The following C16orf74 variants were observed in gnomAD, a reference collection of about 807,000 sequenced individuals.
C16orf74 encodes uncharacterized protein C16orf74.
A neutral mutation model predicts 6.5 loss-of-function variants in C16orf74; 10 were observed. The ratio of observed to expected loss-of-function variants is 1.54; its 90% CI spans 0.95 to 2.61. C16orf74 has a LOEUF of 2.61. Among genes scored for constraint, C16orf74 ranks in the 30% most tolerant of loss-of-function variants. The pLI is 0.00. For synonymous variants in C16orf74, 60 were observed against 42.5 expected, an observed-to-expected ratio of 1.41 and a Z score of -1.60; for missense variants, 141 against 105.9, an observed-to-expected ratio of 1.33 and a Z score of -1.45.
chr16:85,726,702 A>C (rs1222539105), intron 2 of C16orf74, among the ~76,000 whole-genome samples: 4 of 152,096 alleles, frequency 2.6e-5, no homozygotes, highest in Admixed American at 2.6e-4. Context: ...GCTGAAATGT[A>C]TTAGTGGAAT....
chr16:85,721,978 CTTTTTTTTTT>C (rs146218477), intron 2 of C16orf74, among the ~76,000 whole-genome samples: 7 of 91,142 alleles, frequency 7.7e-5, no homozygotes, highest in Admixed American at 1.4e-4. Flanking sequence ...AGATTCTAAC[CTTTTTTTTTT>C]TTTTTTTTTT....
In C16orf74 at chr16:85,744,713, T is replaced by C. The variant is rs146930075; in HGVS notation, c.-19+6213A>G. Reference sequence around the variant, plus strand: ...GGCATGGTGGCAGGCGCCTGTAGTCTCAGCTACTTGGGAGGCTGAGGCAGG... The same window carrying C: ...GGCATGGTGGCAGGCGCCTGTAGTCCCAGCTACTTGGGAGGCTGAGGCAGG... On this transcript the variant is annotated intron_variant, in intron 1 of 3. Transcript: ENST00000284245. Among the ~76,000 whole-genome samples, 851 of 150,558 alleles carry C rather than the reference T, an allele frequency of 5.7e-3. 8 individuals are homozygous for C. The highest frequency in any genetic ancestry group is 9.3e-3 in the East Asian group (47 of 5,072).
chr16:85,724,664 T>A (rs1598791556), intron 2 of C16orf74, among the ~76,000 whole-genome samples: 1 of 151,996 alleles, frequency 6.6e-6, no homozygotes, highest in East Asian at 1.9e-4. Context: ...ATGATGGGAA[T>A]CATGGGGATG....
At chr16:85,720,806 C>T (rs1598788135) in intron 2 of C16orf74, among the ~76,000 whole-genome samples, 2 of 147,548 alleles carry the variant, frequency 1.4e-5, no homozygotes. Flanking sequence ...TTGGGGGTGG[C>T]GCTGGGCGTG....
rs561103746 is a variant in C16orf74 at position 85,729,117 on chromosome 16, A to G, written c.28+6073T>C. On this transcript the variant is annotated intron_variant, in intron 2 of 3. Coordinates refer to ENST00000284245, the MANE Select transcript of C16orf74 (RefSeq NM_206967.3). ...GAGAGGGCGCACTTAGGAACCAAGG[A>G]GACGACTCCCCCTTTCCCCTTCCGT... 8.5e-5 allele frequency among the ~76,000 whole-genome samples: 13 copies of G among 152,206 alleles called. No homozygotes were observed. The East Asian group carries it at 2.3e-3, about 27-fold the overall frequency.
rs927195476 is a variant in C16orf74, at chr16:85,721,953, T to G, written c.29-11646A>C. Among the ~76,000 whole-genome samples the G allele has an allele frequency of 1.3e-4, 20 of 149,968 alleles. No homozygotes were observed. In the South Asian group the frequency reaches 3.2e-3, roughly 24 times the overall value. On this transcript the variant is annotated intron_variant, in intron 2 of 3. Coordinates refer to ENST00000284245, the MANE Select transcript of C16orf74 (RefSeq NM_206967.3). ...TAACAATTGCTACACACAGTTAGCC[T>G]TCTCATTGGAATAGAGATTCTAACC... is the stretch of plus-strand genomic sequence containing the variant.
In C16orf74 at chr16:85,717,138, G is replaced by A. The variant is rs140593225; in HGVS notation, c.29-6831C>T. On this transcript the variant is annotated intron_variant, in intron 2 of 3. Coordinates refer to ENST00000284245, the MANE Select transcript of C16orf74 (RefSeq NM_206967.3). Reference sequence around the variant, plus strand: ...GTCCTCGCAGTGGGGGCAGAGCCACGCAGACCAGACCACAGAACCCAGGCC... The same window carrying A: ...GTCCTCGCAGTGGGGGCAGAGCCACACAGACCAGACCACAGAACCCAGGCC... 1.8e-3 allele frequency among the ~76,000 whole-genome samples: 278 copies of A among 152,334 alleles called. 3 individuals are homozygous for A. In the Middle Eastern group the frequency reaches 0.044, roughly 24 times the overall value.
At chr16:85,713,524 T>C (rs902308166) in intron 2 of C16orf74, among the ~76,000 whole-genome samples, 3 of 152,174 alleles carry the variant, frequency 2.0e-5, no homozygotes, top group African/African-American at 7.2e-5. Context: ...CTGCCCACCT[T>C]GGCCTCCCAA....
chr16:85,710,144 G>C lies in C16orf74; in HGVS notation c.172+20C>G, dbSNP rs373401837. ...GCCCCCACAGCCGACCCGGCTTGGC[G>C]GTGGAGGGGACGGCCTCACCTGTGC... On this transcript the variant is annotated intron_variant, in intron 3 of 3. Coordinates refer to ENST00000284245, the MANE Select transcript of C16orf74 (RefSeq NM_206967.3). 1 of 1,405,390 alleles carries C rather than the reference G, an allele frequency of 7.1e-7. No homozygotes were observed. Among genetic ancestry groups the C allele is most frequent in the South Asian group, 1.7e-5 (1 of 59,294 alleles). 87.1% of individuals were successfully genotyped at this position (1,405,390 alleles called of 1,614,324 possible).
chr16:85,743,814 G>GAT (rs1363878169), intron 1 of C16orf74: 1 of 152,112 alleles, frequency 6.6e-6, no homozygotes, highest in Non-Finnish European at 1.5e-5. Flanking sequence ...AGCACTTTGG[G>GAT]AGGCCGAGGC....
chr16:85,749,666 G>C (rs1321122434), intron 1 of C16orf74, among the ~76,000 whole-genome samples: 1 of 152,242 alleles, frequency 6.6e-6, no homozygotes, highest in Non-Finnish European at 1.5e-5. Context: ...GCAGGGTCTG[G>C]TGCATGAGGA....
At chr16:85,740,137 G>C (rs1407349027) in intron 1 of C16orf74, among the ~76,000 whole-genome samples, 1 of 148,846 alleles carries the variant, frequency 6.7e-6, no homozygotes, top group Non-Finnish European at 1.5e-5. Context: ...TTGAACCCAG[G>C]AGGCAGAGGT....
intron 1 of C16orf74, among the ~76,000 whole-genome samples, chr16:85,737,058 G>A (rs2054252939): frequency 6.6e-6 from 1 of 151,918 alleles, no homozygotes; most frequent in South Asian, 2.1e-4. Context: ...AAAAAAAAAT[G>A]TAAAAAGGGG....
chr16:85,734,315 G>C (rs188075065), intron 2 of C16orf74, among the ~76,000 whole-genome samples: 4 of 152,300 alleles, frequency 2.6e-5, no homozygotes, highest in Admixed American at 2.6e-4. Context: ...AGGAAACTGA[G>C]GCCCTTGATC....
At chr16:85,748,138 A>ATG (rs1242381007) in intron 1 of C16orf74, among the ~76,000 whole-genome samples, 12 of 64,904 alleles carry the variant, frequency 1.8e-4, no homozygotes, top group African/African-American at 2.6e-4. Context: ...GTATATATAT[A>ATG]TGTGTGTGTA....
At chr16:85,726,949 G>A (rs1296139177) in intron 2 of C16orf74, among the ~76,000 whole-genome samples, 1 of 152,182 alleles carries the variant, frequency 6.6e-6, no homozygotes, top group Non-Finnish European at 1.5e-5. Flanking sequence ...TTAGGCTGGG[G>A]TGCTTCCTGG....
intron 1 of C16orf74, among the ~76,000 whole-genome samples, chr16:85,743,074 G>C (rs916759308): frequency 1.3e-5 from 2 of 152,170 alleles, no homozygotes; most frequent in African/African-American, 4.8e-5. Flanking sequence ...GTTGTGTTGG[G>C]GGTGAATTTA....
chr16:85,711,496 G>A (rs967271151), intron 2 of C16orf74, among the ~76,000 whole-genome samples: 14 of 151,368 alleles, frequency 9.2e-5, no homozygotes, highest in East Asian at 5.8e-4. Flanking sequence ...GGTGGTATGC[G>A]CCTGTAATCC....
At position 85,735,204 on chromosome 16, in the gene C16orf74, A is replaced by G; in HGVS notation, c.14T>C (p.Met5Thr). 2.5e-6 allele frequency: 4 copies of G among 1,602,608 alleles called. No individual in the cohort carries two copies. Among genetic ancestry groups the G allele is most frequent in the Non-Finnish European group, 3.4e-6 (4 of 1,174,302 alleles). MGLK[M>T]SCLKGFQMCV... ...TCAGGCCTTACCTTTCAGGCAGGAC[A>G]TCTTAAGCCCCATGTCGGCACCTCT... Residue 5 changes from methionine to threonine, a missense_variant, in exon 2 of 4, where the codon ATG (methionine) becomes ACG (threonine). Met to Thr is a moderately conservative substitution (Grantham distance 81). Transcript: ENST00000284245.
Sources: allele counts gnomAD v4.1 joint callset (sites outside exome capture counted in the v4.1 genomes callset), GRCh38; gene constraint gnomAD v4.1.1; transcripts MANE v1.5; gene names NCBI Gene and HGNC (gene_info 2026-07-23, HGNC 2026-07-21).